The following GRIK2 variants were observed in gnomAD, a reference collection of about 807,000 sequenced individuals.
The protein encoded by GRIK2 is glutamate ionotropic receptor kainate type subunit 2, also known as glutamate receptor ionotropic, kainate 2.
In GRIK2, 32 loss-of-function variants were observed where a neutral mutation model predicts 100.3. The observed-to-expected ratio is 0.32, with a 90% confidence interval of 0.24 to 0.43. The LOEUF (loss-of-function observed/expected upper bound fraction) is 0.43, where lower values mean the gene tolerates loss of function less well. Ranked by LOEUF, GRIK2 falls within the 20% of genes least tolerant of loss-of-function variation. The pLI is 1.00. For synonymous variants in GRIK2, 417 were observed against 389.4 expected (o/e 1.07, Z -0.83); for missense variants, 843 against 1,114.9 (o/e 0.76, Z 3.47).
intron 2 of GRIK2, among the ~76,000 whole-genome samples, chr6:101,498,585 T>C (rs36142524): frequency 2.0e-5 from 3 of 149,578 alleles, no homozygotes; most frequent in Non-Finnish European, 3.0e-5. Flanking sequence ...TGGTATCTCA[T>C]TGTGGTTTTG....
chr6:102,012,521 A>G (rs1795605064), intron 14 of GRIK2, among the ~76,000 whole-genome samples: 1 of 152,138 alleles, frequency 6.6e-6, no homozygotes, highest in Non-Finnish European at 1.5e-5. Flanking sequence ...TTTTGAAATC[A>G]TTCATCAGAG....
intron 7 of GRIK2, among the ~76,000 whole-genome samples, chr6:101,792,361 A>G (rs1779935385): frequency 2.0e-5 from 3 of 151,878 alleles, no homozygotes; most frequent in African/African-American, 7.3e-5. Flanking sequence ...GTTCCTTTGC[A>G]TGTTTAGTGC....
chr6:101,547,846 G>A (rs1261821660), intron 2 of GRIK2, among the ~76,000 whole-genome samples: 1 of 151,902 alleles, frequency 6.6e-6, no homozygotes. Context: ...GTAATGAGAT[G>A]GCTGGGTCAA....
intron 2 of GRIK2, among the ~76,000 whole-genome samples, chr6:101,522,979 A>G (rs943385938): frequency 5.9e-5 from 9 of 151,600 alleles, no homozygotes; most frequent in Admixed American, 2.0e-4. Context: ...ATGGCTTGCA[A>G]TCTTCCAGTT....
intron 10 of GRIK2, among the ~76,000 whole-genome samples, chr6:101,831,614 G>A (rs374695198): frequency 2.7e-4 from 41 of 152,120 alleles, no homozygotes; most frequent in Non-Finnish European, 5.1e-4. Flanking sequence ...TGTCCTGTCA[G>A]TGGAATAATA....
In GRIK2 at chr6:101,481,060, T is replaced by C. The variant is rs76473887; in HGVS notation, c.115+81668T>C. ...GATACTTTTGATGTAAAAACAACTGTGGTCCTGACTGATTTTACTCTAAAG... is the reference window on the plus strand; with the variant it reads ...GATACTTTTGATGTAAAAACAACTGCGGTCCTGACTGATTTTACTCTAAAG... On this transcript the variant is annotated intron_variant, in intron 2 of 16. Transcript: ENST00000369134. 2.2e-3 allele frequency among the ~76,000 whole-genome samples: 342 copies of C among 152,272 alleles called. 1 individual carries two copies. Among genetic ancestry groups the C allele is most frequent in the African/African-American group, 7.7e-3 (321 of 41,556 alleles).
At chr6:101,856,181 T>G (rs532747973) in intron 10 of GRIK2, among the ~76,000 whole-genome samples, 2 of 152,268 alleles carry the variant, frequency 1.3e-5, no homozygotes, top group South Asian at 4.1e-4. Context: ...CAATGTATCC[T>G]TCAGTAAGAT....
intron 14 of GRIK2, among the ~76,000 whole-genome samples, chr6:102,033,379 T>A (rs933986746): frequency 5.9e-5 from 9 of 151,402 alleles, no homozygotes; most frequent in African/African-American, 2.2e-4. Flanking sequence ...CTGTCCAGCA[T>A]GCTCTTGCTT....
chr6:101,626,053 C>T (rs919857059), intron 3 of GRIK2, among the ~76,000 whole-genome samples: 1 of 152,056 alleles, frequency 6.6e-6, no homozygotes, highest in African/African-American at 2.4e-5. Context: ...CCTCATTCCC[C>T]TCATATAAAC....
intron 4 of GRIK2, among the ~76,000 whole-genome samples, chr6:101,632,634 A>G (rs970045233): frequency 2.0e-5 from 3 of 152,172 alleles, no homozygotes; most frequent in African/African-American, 7.2e-5. Flanking sequence ...GCAGTTAAAC[A>G]TATATATGTG....
At chr6:101,935,412 A>G (rs1582569194) in intron 14 of GRIK2, among the ~76,000 whole-genome samples, 1 of 152,052 alleles carries the variant, frequency 6.6e-6, no homozygotes, top group South Asian at 2.1e-4. Context: ...TTGAGAAAAT[A>G]CATGTTCTCA....
intron 2 of GRIK2, among the ~76,000 whole-genome samples, chr6:101,614,400 T>G (rs938464347): frequency 2.6e-5 from 4 of 151,702 alleles, no homozygotes; most frequent in African/African-American, 9.7e-5. Context: ...ATTTTTCCAG[T>G]TTTTTGTTTA....
At chr6:101,441,124 G>T (rs182115622) in intron 2 of GRIK2, among the ~76,000 whole-genome samples, 84 of 152,022 alleles carry the variant, frequency 5.5e-4, no homozygotes, top group African/African-American at 1.9e-3. Flanking sequence ...GATTACAGGC[G>T]TGAGCCACTA....
intron 2 of GRIK2, among the ~76,000 whole-genome samples, chr6:101,541,062 A>G (rs1775958956): frequency 1.3e-5 from 2 of 152,034 alleles, no homozygotes; most frequent in African/African-American, 4.8e-5. Context: ...GAATCTCAGT[A>G]GTAGAATTTG....
chr6:101,833,188 C>T (rs1782814733), intron 10 of GRIK2, among the ~76,000 whole-genome samples: 1 of 151,838 alleles, frequency 6.6e-6, no homozygotes, highest in South Asian at 2.1e-4. Context: ...TTGGTGAGAA[C>T]TTTACTCTTC....
chr6:101,653,615 T>G (rs557447702), intron 4 of GRIK2, among the ~76,000 whole-genome samples: 1 of 152,186 alleles, frequency 6.6e-6, no homozygotes, highest in African/African-American at 2.4e-5. Flanking sequence ...AAATTTTGTC[T>G]AAAACATCTT....
intron 3 of GRIK2, among the ~76,000 whole-genome samples, chr6:101,625,140 G>A (rs1379375633): frequency 6.6e-6 from 1 of 152,022 alleles, no homozygotes; most frequent in Non-Finnish European, 1.5e-5. Context: ...TTGGGAGGCC[G>A]AGGCGGGTGG....
At chr6:101,750,120 T>TGC (rs1465637005) in intron 7 of GRIK2, among the ~76,000 whole-genome samples, 1 of 152,114 alleles carries the variant, frequency 6.6e-6, no homozygotes. Context: ...CAGCAGTGTG[T>TGC]GCCAGTTTCT....
chr6:101,903,161 G>A (rs544265562), intron 12 of GRIK2, among the ~76,000 whole-genome samples: 3 of 151,828 alleles, frequency 2.0e-5, no homozygotes, highest in South Asian at 2.1e-4. Context: ...CTTCCTCTCT[G>A]TATATCTTAT....
Sources: gnomAD v4.1 joint callset for allele counts (sites outside exome capture counted in the v4.1 genomes callset) on GRCh38, gnomAD v4.1.1 for gene constraint, MANE v1.5 for transcripts, NCBI Gene and HGNC (gene_info 2026-07-23, HGNC 2026-07-21) for gene names.